SPATA6: variants seen among roughly 807,000 people sequenced by gnomAD.
SPATA6 encodes spermatogenesis associated 6, also known as spermatogenesis-associated protein 6.
SPATA6 carries 56 observed loss-of-function variants against 65.3 expected under a neutral mutation model. The observed-to-expected ratio is 0.86, with a 90% confidence interval of 0.69 to 1.07. SPATA6 has a LOEUF of 1.07. Ranked by LOEUF, SPATA6 falls within the 50% of genes least tolerant of loss-of-function variation. SPATA6 has a pLI of 0.00. For missense variants in SPATA6, 590 were observed against 594.8 expected (o/e 0.99, Z 0.08); for synonymous variants, 199 against 213.2 (o/e 0.93, Z 0.58).
chr1:48,262,073 A>C, the SPATA6 span, among the ~76,000 whole-genome samples: 2 of 152,118 alleles, frequency 1.3e-5, no homozygotes, highest in African/African-American at 2.4e-5. Context: ...AACAGCTAGA[A>C]CATATGGCAG....
chr1:48,434,857 T>C (rs1338524275), intron 3 of SPATA6, among the ~76,000 whole-genome samples: 1 of 152,166 alleles, frequency 6.6e-6, no homozygotes, highest in Non-Finnish European at 1.5e-5. Context: ...TAACTTATTT[T>C]GTTCTGGTAG....
At chr1:48,405,144 G>A (rs1651579997) in intron 5 of SPATA6, among the ~76,000 whole-genome samples, 2 of 152,132 alleles carry the variant, frequency 1.3e-5, no homozygotes, top group African/African-American at 2.4e-5. Flanking sequence ...ATGTACTCTC[G>A]AAAATATAAC....
At chr1:48,445,198 T>A (rs1655896922) in intron 3 of SPATA6, among the ~76,000 whole-genome samples, 1 of 152,208 alleles carries the variant, frequency 6.6e-6, no homozygotes, top group East Asian at 1.9e-4. Flanking sequence ...TATTTTGGCT[T>A]GACTTTATAT....
At chr1:48,313,329 G>A (rs1189766621) in intron 11 of SPATA6, among the ~76,000 whole-genome samples, 1 of 152,218 alleles carries the variant, frequency 6.6e-6, no homozygotes, top group Non-Finnish European at 1.5e-5. Flanking sequence ...AGGCCCATCA[G>A]ACTAACAGCT....
intron 7 of SPATA6, among the ~76,000 whole-genome samples, chr1:48,396,095 G>T (rs542209196): frequency 2.0e-4 from 30 of 151,638 alleles, no homozygotes; most frequent in Admixed American, 4.6e-4. Context: ...ATAAGAACAT[G>T]AAAAGAAAAA....
At chr1:48,263,629 G>A in the SPATA6 span, among the ~76,000 whole-genome samples, 1 of 152,138 alleles carries the variant, frequency 6.6e-6, no homozygotes, top group Non-Finnish European at 1.5e-5. Flanking sequence ...CTGAAGTCAT[G>A]TCCCTACTCT....
chr1:48,308,551 T>C (rs1645118327), intron 11 of SPATA6, among the ~76,000 whole-genome samples: 1 of 152,196 alleles, frequency 6.6e-6, no homozygotes, highest in Admixed American at 6.5e-5. Flanking sequence ...TTGCTCTTTA[T>C]TTCTTCATGT....
chr1:48,334,728 CA>C, intron 11 of SPATA6, among the ~76,000 whole-genome samples: 1 of 152,264 alleles, frequency 6.6e-6, no homozygotes, highest in Non-Finnish European at 1.5e-5. Context: ...CGGCATAAGA[CA>C]AGGATGCCCT....
chr1:48,403,462 A>C (rs1651372601), intron 6 of SPATA6, among the ~76,000 whole-genome samples: 1 of 152,170 alleles, frequency 6.6e-6, no homozygotes, highest in African/African-American at 2.4e-5. Flanking sequence ...AACTTCCATA[A>C]CATTTAAAGA....
At chr1:48,421,716 C>T (rs1388186710) in intron 3 of SPATA6, among the ~76,000 whole-genome samples, 3 of 152,004 alleles carry the variant, frequency 2.0e-5, no homozygotes, top group East Asian at 3.8e-4. Flanking sequence ...AAGAATCTTA[C>T]TCTCAAAAGC....
intron 10 of SPATA6, among the ~76,000 whole-genome samples, chr1:48,356,708 T>C (rs1023899442): frequency 6.6e-6 from 1 of 152,004 alleles, no homozygotes; most frequent in Non-Finnish European, 1.5e-5. Flanking sequence ...TTTCATCATG[T>C]TGGTCAGGCT....
chr1:48,436,573 C>G, intron 3 of SPATA6: 5 of 1,612,840 alleles, frequency 3.1e-6, no homozygotes, highest in Non-Finnish European at 4.2e-6. Context: ...CCTCTCTGGC[C>G]TGTCCCATCT....
chr1:48,450,860 C>T (rs1205510686), intron 3 of SPATA6, among the ~76,000 whole-genome samples: 5 of 152,152 alleles, frequency 3.3e-5, no homozygotes, highest in Non-Finnish European at 5.9e-5. Context: ...TGATTATGCT[C>T]AATTTTACTG....
chr1:48,450,941 A>T (rs918374472), intron 3 of SPATA6, among the ~76,000 whole-genome samples: 5 of 152,202 alleles, frequency 3.3e-5, no homozygotes, highest in Admixed American at 6.5e-5. Context: ...ACAAAGATAA[A>T]TTAACGGAGC....
intron 3 of SPATA6, among the ~76,000 whole-genome samples, chr1:48,440,034 C>A (rs1367172180): frequency 1.3e-5 from 2 of 152,204 alleles, no homozygotes; most frequent in African/African-American, 4.8e-5. Flanking sequence ...TTACATCCCA[C>A]AAGAGGACCT....
chr1:48,329,549 C>G (rs1428218863), intron 11 of SPATA6, among the ~76,000 whole-genome samples: 1 of 152,174 alleles, frequency 6.6e-6, no homozygotes, highest in African/African-American at 2.4e-5. Context: ...AAGGGAGATA[C>G]TTATATGCTT....
intron 11 of SPATA6, among the ~76,000 whole-genome samples, chr1:48,341,037 C>A (rs1260414367): frequency 6.6e-6 from 1 of 152,142 alleles, no homozygotes; most frequent in Non-Finnish European, 1.5e-5. Context: ...TCAATTCACA[C>A]CCTGTGGAAC....
At chr1:48,279,954 T>C in the SPATA6 span, among the ~76,000 whole-genome samples, 1 of 152,042 alleles carries the variant, frequency 6.6e-6, no homozygotes, top group African/African-American at 2.4e-5. Context: ...TCAGCAAATG[T>C]AAAAGAACAG....
chr1:48,397,693 A>C (rs1416043), intron 7 of SPATA6, among the ~76,000 whole-genome samples: 144,120 of 151,502 alleles, frequency 0.95, 68,823 homozygotes, highest in Non-Finnish European at 1. Context: ...ATGGCTATGG[A>C]GGAAAAAAAA....
Sources: allele counts gnomAD v4.1 joint callset (sites outside exome capture counted in the v4.1 genomes callset), GRCh38; gene constraint gnomAD v4.1.1; transcripts MANE v1.5; gene names NCBI Gene and HGNC (gene_info 2026-07-23, HGNC 2026-07-21).